Variants in GCKR observed in about 807,000 individuals in gnomAD.
GCKR encodes the protein glucokinase regulatory protein.
A neutral mutation model predicts 82.9 loss-of-function variants in GCKR; 73 were observed. The ratio of observed to expected loss-of-function variants is 0.88; its 90% CI spans 0.73 to 1.07. GCKR has a LOEUF of 1.07. GCKR is among the 50% of genes least tolerant of loss of function. The probability of loss-of-function intolerance (pLI) is 0.00; values close to 1 mark genes in which losing one functional copy is unlikely to be tolerated. For missense variants in GCKR, 784 were observed against 782.1 expected (o/e 1.00, Z -0.03); for synonymous variants, 294 against 291.8 (o/e 1.01, Z -0.08).
At chr2:27,523,204 C>A in intron 18 of GCKR, 65 bp from the exon 19 acceptor site, 1 of 1,430,294 alleles carries the variant, frequency 7.0e-7, no homozygotes, top group East Asian at 2.3e-5. Flanking sequence ...CGACCTTCCT[C>A]CGGGGTTCTT....
At chr2:27,523,179 G>A (rs989274528) in intron 18 of GCKR, 90 bp from the exon 19 acceptor site, 63 of 1,074,034 alleles carry the variant, frequency 5.9e-5, no homozygotes, top group South Asian at 5.8e-4. Flanking sequence ...GATTACAGGC[G>A]TGAGCCACTG....
chr2:27,520,154 T>C (rs971779527), intron 17 of GCKR, among the ~76,000 whole-genome samples: 1 of 152,118 alleles, frequency 6.6e-6, no homozygotes, highest in Non-Finnish European at 1.5e-5. Flanking sequence ...TCACAAAATC[T>C]GGCAACCCTA....
In GCKR at chr2:27,504,022, C is replaced by A. The variant is rs549984093; in HGVS notation, c.750+403C>A. 3.3e-5 allele frequency among the ~76,000 whole-genome samples: 5 copies of A among 152,296 alleles called. No homozygotes were observed. In the East Asian group the frequency reaches 9.7e-4, roughly 29 times the overall value. Reference sequence around the variant, plus strand: ...GTTTCATTCTTCTGCCTTTCTAAATCCTCTCCAAAATTGGGTGGCCCTTCT... The same window carrying A: ...GTTTCATTCTTCTGCCTTTCTAAATACTCTCCAAAATTGGGTGGCCCTTCT... On this transcript the variant is annotated intron_variant, in intron 9 of 18. Coordinates refer to ENST00000264717, the MANE Select transcript of GCKR (RefSeq NM_001486.4).
At chr2:27,503,649 A>G (rs1325801852) in intron 9 of GCKR, 30 bp downstream of exon 9, 1 of 1,119,360 alleles carries the variant, frequency 8.9e-7, no homozygotes, top group Non-Finnish European at 1.4e-6. Context: ...TATGTTCTCC[A>G]CCCCTCCAAC....
intron 10 of GCKR, 27 bp downstream of exon 10, chr2:27,505,863 C>A (rs1669724339): frequency 1.6e-6 from 2 of 1,215,314 alleles, no homozygotes; most frequent in Non-Finnish European, 2.5e-6. Context: ...TAAGAGAGAG[C>A]TCAGAGTCAG....
At chr2:27,507,118 C>T (rs1164082679) in intron 12 of GCKR, 117 bp from the exon 13 acceptor site, 1 of 819,958 alleles carries the variant, frequency 1.2e-6, no homozygotes, top group African/African-American at 1.7e-5. Context: ...GGCTACTCCT[C>T]ACTCTACGCC....
rs546417921 is a variant in GCKR at position 27,500,969 on chromosome 2, T to C, written c.550-166T>C. ...AAAAATGTAGTGCCCTTGAGGTACT[T>C]GTTAAAAACGTGCTCCCCCTTCAAA... On this transcript the variant is annotated intron_variant, in intron 7 of 18. Transcript: ENST00000264717. Among the ~76,000 whole-genome samples the C allele has an allele frequency of 3.3e-5, 5 of 152,378 alleles. No individual in the cohort carries two copies. In the South Asian group the frequency reaches 1.0e-3, roughly 32 times the overall value.
At chr2:27,505,080 C>T (rs1321287025) in intron 9 of GCKR, among the ~76,000 whole-genome samples, 6 of 129,626 alleles carry the variant, frequency 4.6e-5, no homozygotes, top group South Asian at 2.6e-4. Flanking sequence ...GATCCAAGAT[C>T]GTGCCACTGC....
At chr2:27,515,765 A>ATATATATATATATATT (rs1286679766) in intron 16 of GCKR, among the ~76,000 whole-genome samples, 2 of 106,930 alleles carry the variant, frequency 1.9e-5, no homozygotes, top group African/African-American at 7.6e-5. Context: ...ATATATATAT[A>ATATATATATATATATT]TTTTTTTTTT....
intron 8 of GCKR, chr2:27,501,878 C>A: frequency 1.0e-5 from 4 of 387,980 alleles, no homozygotes; most frequent in Admixed American, 6.7e-5. Context: ...GGGAATGTTA[C>A]AAAAAAATAA....
At chr2:27,505,871 C>A (rs1669724750) in intron 10 of GCKR, 35 bp downstream of exon 10, 2 of 1,135,850 alleles carry the variant, frequency 1.8e-6, no homozygotes, top group South Asian at 1.2e-5. Context: ...AGCTCAGAGT[C>A]AGGCGAGTGT....
chr2:27,505,575 G>T (rs899325533), intron 9 of GCKR, 143 bp from the exon 10 acceptor site: 24 of 697,882 alleles, frequency 3.4e-5, no homozygotes, highest in South Asian at 3.3e-4. Flanking sequence ...TCTTCCTCTC[G>T]GTCAAGCCCA....
rs770315324 is a variant in GCKR, at chr2:27,508,180, A to G, written c.1351A>G (p.Lys451Glu). Reference sequence around the variant, plus strand: ...TCTCTCTCTCCAGATCCCTCTGAAGAAGCTCTTTCCCTCCATCATCAGCAT... The same window carrying G: ...TCTCTCTCTCCAGATCCCTCTGAAGGAGCTCTTTCCCTCCATCATCAGCAT... ...VGQTLLIPLK[K>E]LFPSIISITW... The change falls in exon 16 of 19, where the codon AAG becomes GAG. Residue 451 changes from lysine (K) to glutamate (E), a missense_variant. By Grantham distance (56) the Lys-to-Glu change is moderately conservative. Coordinates refer to ENST00000264717, the MANE Select transcript of GCKR (RefSeq NM_001486.4). The G allele has an allele frequency of 2.5e-6, 4 of 1,611,906 alleles. 1 individual carries two copies. The South Asian group carries it at 4.4e-5, about 18-fold the overall frequency.
chr2:27,499,062 C>T, intron 5 of GCKR, 80 bp from the exon 6 acceptor site: 1 of 857,590 alleles, frequency 1.2e-6, no homozygotes, highest in Non-Finnish European at 2.0e-6. Flanking sequence ...TTATGCGCAT[C>T]TCTTAATGTA....
At chr2:27,518,626 A>G (rs550946462) in intron 16 of GCKR, among the ~76,000 whole-genome samples, 162 bp from the exon 17 acceptor site, 6 of 152,272 alleles carry the variant, frequency 3.9e-5, no homozygotes, top group African/African-American at 1.2e-4. Flanking sequence ...GTTTACATCT[A>G]TTGCCCTAAC....
chr2:27,505,715 C>T lies in GCKR; in HGVS notation c.751-3C>T, dbSNP rs1292952929. On this transcript the variant is annotated splice_region_variant and splice_polypyrimidine_tract_variant and intron_variant, in intron 9 of 18. Transcript: ENST00000264717. The stretch of plus-strand genomic sequence containing the variant: ...TTCCTCTTGGGTGTCTTCACCTCTT[C>T]AGCCCGAGGGTCTCAGCGGCTCCTC... 1 of 1,564,792 alleles carries T rather than the reference C, an allele frequency of 6.4e-7. No individual in the cohort carries two copies. The highest frequency in any genetic ancestry group is 8.8e-7 in the Non-Finnish European group (1 of 1,135,680).
intron 6 of GCKR, 69 bp downstream of exon 6, chr2:27,499,277 C>T (rs903633232): frequency 2.2e-6 from 3 of 1,370,880 alleles, no homozygotes; most frequent in Non-Finnish European, 3.1e-6. Flanking sequence ...ATAAAAGCCC[C>T]AGCATTCAGC....
Position 27,508,268 on chromosome 2 carries a change from G to A in GCKR, c.1422+17G>A. The stretch of plus-strand genomic sequence containing the variant: ...TTCATCCAGGTATGGGGAATGAGAA[G>A]GTCCTATCTGCAGTAAGGGGCTCAG... On this transcript the variant is annotated intron_variant, in intron 16 of 18. Transcript: ENST00000264717. 6.8e-7 allele frequency: 1 copy of A among 1,472,124 alleles called. No individual in the cohort carries two copies. Among genetic ancestry groups the A allele is most frequent in the Non-Finnish European group, 9.5e-7 (1 of 1,050,378 alleles). The allele number at this position is 1,472,124 out of a possible 1,614,324, so 91.2% of individuals were successfully genotyped here. A position where few individuals can be genotyped will look rare whatever the true frequency, so the allele number is the denominator to read the frequency against.
intron 8 of GCKR, among the ~76,000 whole-genome samples, 188 bp downstream of exon 8, chr2:27,501,417 C>G (rs895862024): frequency 2.0e-5 from 3 of 152,200 alleles, no homozygotes; most frequent in African/African-American, 7.2e-5. Flanking sequence ...TTATTCTCTT[C>G]TTGTTTCAGA....
Sources: allele counts gnomAD v4.1 joint callset (sites outside exome capture counted in the v4.1 genomes callset), GRCh38; gene constraint gnomAD v4.1.1; transcripts MANE v1.5; gene names NCBI Gene and HGNC (gene_info 2026-07-23, HGNC 2026-07-21).